Variants in ZNF728 observed in about 807,000 individuals in gnomAD.
ZNF728 encodes zinc finger protein 728.
A neutral mutation model predicts 12.5 loss-of-function variants in ZNF728; 12 were observed. The ratio of observed to expected loss-of-function variants is 0.96; its 90% CI spans 0.61 to 1.55. ZNF728 has a LOEUF of 1.55. Ranked by LOEUF, ZNF728 falls within the 40% of genes most tolerant of loss-of-function variation. ZNF728 has a pLI of 0.00. For missense variants in ZNF728, 692 were observed against 719.2 expected, an observed-to-expected ratio of 0.96 and a Z score of 0.43; for synonymous variants, 205 against 240.7, an observed-to-expected ratio of 0.85 and a Z score of 1.37.
At chr19:23,001,772 C>G (rs1969116052) in intron 1 of ZNF728, among the ~76,000 whole-genome samples, 1 of 152,068 alleles carries the variant, frequency 6.6e-6, no homozygotes, top group Admixed American at 6.6e-5. Flanking sequence ...GTACACTAAA[C>G]TATTTGTTGA....
chr19:22,985,609 G>C (rs1267886739), intron 3 of ZNF728: 1 of 152,218 alleles, frequency 6.6e-6, no homozygotes, highest in African/African-American at 2.4e-5. Context: ...CTACAGACCA[G>C]AAAATGTCCC....
chr19:22,985,040 T>C (rs1430793296), intron 3 of ZNF728, among the ~76,000 whole-genome samples: 1 of 152,064 alleles, frequency 6.6e-6, no homozygotes, highest in East Asian at 1.9e-4. Context: ...AGCTAATAGG[T>C]AAAGGCAATG....
chr19:22,978,048 A>G (rs1463718254), intron 3 of ZNF728, among the ~76,000 whole-genome samples: 2 of 152,058 alleles, frequency 1.3e-5, no homozygotes, highest in Non-Finnish European at 2.9e-5. Flanking sequence ...ACAAAAAGAA[A>G]TAACTGATTC....
chr19:22,976,481 A>C lies in ZNF728; in HGVS notation c.856T>G (p.Cys286Gly). The C allele has an allele frequency of 6.2e-7, 1 of 1,612,894 alleles. No homozygotes were observed. Among genetic ancestry groups the C allele is most frequent in the Non-Finnish European group, 8.5e-7 (1 of 1,179,912 alleles). Residue 286 changes from cysteine to glycine, a missense_variant, in exon 4 of 4, where the codon TGT (cysteine) becomes GGT (glycine). Coordinates refer to ENST00000594710, the MANE Select transcript of ZNF728 (RefSeq NM_001267716.2). ...CTAAAGGCTTTGCCACATTCTTCAC[A>C]TTTGTAGGGTTTCTCTCCAGCATGA... is the stretch of plus-strand genomic sequence containing the variant. Reference protein sequence around the residue: ...RSHAGEKPYKCEECGKAFSKA... With the variant: ...RSHAGEKPYKGEECGKAFSKA...
At chr19:22,978,099 CA>C (rs1459160398) in intron 3 of ZNF728, among the ~76,000 whole-genome samples, 4 of 151,626 alleles carry the variant, frequency 2.6e-5, no homozygotes, top group African/African-American at 4.8e-5. Flanking sequence ...AAAACAAGAT[CA>C]AAAAGCAAAT....
At chr19:22,993,945 G>C (rs1263861288) in intron 1 of ZNF728, among the ~76,000 whole-genome samples, 6 of 152,118 alleles carry the variant, frequency 3.9e-5, no homozygotes, top group Non-Finnish European at 5.9e-5. Flanking sequence ...ATTTGGAGCT[G>C]CAAATTCAGG....
intron 2 of ZNF728, among the ~76,000 whole-genome samples, chr19:22,987,819 A>C (rs546221045): frequency 6.6e-6 from 1 of 152,360 alleles, no homozygotes; most frequent in South Asian, 2.1e-4. Flanking sequence ...TAAATTACCA[A>C]AAAGAAATTA....
rs754287455 is a variant in ZNF728, at chr19:22,976,378, G to C, written c.959C>G (p.Ala320Gly). ...KPYKCEECGKAFNRSSNLMEH... is the reference protein window; with the variant it reads ...KPYKCEECGKGFNRSSNLMEH... The stretch of plus-strand genomic sequence containing the variant: ...CATAAGGTTTGAGGACCGGTTGAAA[G>C]CTTTGCCACATTCTTCACATTTGTA... The change falls in exon 4 of 4, where the codon GCT (alanine) becomes GGT (glycine). Residue 320 changes from alanine to glycine, a missense_variant. By Grantham distance (60) the Ala-to-Gly change is moderately conservative (BLOSUM62 0). Coordinates refer to ENST00000594710, the MANE Select transcript of ZNF728 (RefSeq NM_001267716.2). 17 of 1,612,838 alleles carry C rather than the reference G, an allele frequency of 1.1e-5. No homozygotes were observed. In the African/African-American group the frequency reaches 2.1e-4, roughly 20 times the overall value.
At chr19:22,987,450 A>G (rs774121412) in intron 2 of ZNF728, 47 bp from the exon 3 acceptor site, 2 of 1,531,364 alleles carry the variant, frequency 1.3e-6, no homozygotes, top group Admixed American at 1.9e-5. Context: ...ATATTCTCCA[A>G]TTAACAACTT....
At chr19:22,995,215 C>T (rs1969036817) in intron 1 of ZNF728, 1 of 152,108 alleles carries the variant, frequency 6.6e-6, no homozygotes, top group Admixed American at 6.6e-5. Flanking sequence ...AACAGACACA[C>T]AATGCATTTG....
chr19:23,002,983 C>A, intron 1 of ZNF728, 45 bp downstream of exon 1: 2 of 1,586,544 alleles, frequency 1.3e-6, no homozygotes, highest in Admixed American at 1.7e-5. Context: ...CCGGTTCCAA[C>A]CAGCGGCTGC....
At chr19:22,986,072 G>A (rs1290033755) in intron 3 of ZNF728, among the ~76,000 whole-genome samples, 2 of 152,166 alleles carry the variant, frequency 1.3e-5, no homozygotes, top group Non-Finnish European at 2.9e-5. Flanking sequence ...GCAGCCTTGT[G>A]ACCAAGCTAC....
chr19:23,001,935 A>C (rs1243474384), intron 1 of ZNF728, among the ~76,000 whole-genome samples: 1 of 152,170 alleles, frequency 6.6e-6, no homozygotes, highest in Non-Finnish European at 1.5e-5. Context: ...AAATGCAAGG[A>C]AACAGCAGTT....
intron 3 of ZNF728, among the ~76,000 whole-genome samples, 184 bp downstream of exon 3, chr19:22,987,124 G>A (rs1321154369): frequency 6.6e-6 from 1 of 152,136 alleles, no homozygotes; most frequent in Admixed American, 6.6e-5. Context: ...ATAATTCTTA[G>A]AAATTTTAAA....
intron 3 of ZNF728, among the ~76,000 whole-genome samples, chr19:22,980,057 C>T (rs1204938375): frequency 6.6e-6 from 1 of 151,916 alleles, no homozygotes; most frequent in Non-Finnish European, 1.5e-5. Context: ...TTAAAAGACA[C>T]AGACTAGCAA....
chr19:22,976,981 T>C lies in ZNF728; in HGVS notation c.356A>G (p.Asn119Ser), dbSNP rs1346132080. The C allele has an allele frequency of 1.2e-6, 2 of 1,613,418 alleles. No homozygotes were observed. Among genetic ancestry groups the C allele is most frequent in the Non-Finnish European group, 1.7e-6 (2 of 1,179,764 alleles). The change falls in exon 4 of 4, where the codon AAT (asparagine) becomes AGT (serine). Residue 119 changes from asparagine to serine, a missense_variant. Physicochemically the swap from Asn to Ser is conservative, Grantham distance 46. Coordinates refer to ENST00000594710, the MANE Select transcript of ZNF728 (RefSeq NM_001267716.2). ...TTTGTGCACCTTACACTCATCCACA[T>C]TGGTACAACCAATTTTTAACTGTAA... ...ENLQLKIGCT[N>S]VDECKVHKKG...
chr19:22,976,264 T>G lies in ZNF728; in HGVS notation c.1073A>C (p.His358Pro). 6.2e-7 allele frequency: 1 copy of G among 1,613,242 alleles called. No homozygotes were observed. Among genetic ancestry groups the G allele is most frequent in the South Asian group, 1.1e-5 (1 of 91,044 alleles). The change falls in exon 4 of 4, where the codon CAT becomes CCT. Residue 358 changes from histidine to proline, a missense_variant. Transcript: ENST00000594710. Reference sequence around the variant, plus strand: ...TTTCTCTCCAGTATGAATTACCTTATGTTTAGTAAGGGTTGAGAAGTTACC... The same window carrying G: ...TTTCTCTCCAGTATGAATTACCTTAGGTTTAGTAAGGGTTGAGAAGTTACC... Reference protein sequence around the residue: ...AFGNFSTLTKHKVIHTGEKPY... With the variant: ...AFGNFSTLTKPKVIHTGEKPY...
At chr19:22,982,097 T>A (rs568005728) in intron 3 of ZNF728, among the ~76,000 whole-genome samples, 1 of 152,194 alleles carries the variant, frequency 6.6e-6, no homozygotes, top group African/African-American at 2.4e-5. Context: ...ACTTTCTCTA[T>A]CTGCAGATGA....
intron 1 of ZNF728, among the ~76,000 whole-genome samples, chr19:22,996,216 A>G (rs1306709693): frequency 6.6e-6 from 1 of 151,180 alleles, no homozygotes; most frequent in African/African-American, 2.5e-5. Flanking sequence ...AAAAGTATGA[A>G]TAACAATATT....
Sources: allele counts gnomAD v4.1 joint callset (sites outside exome capture counted in the v4.1 genomes callset), GRCh38; gene constraint gnomAD v4.1.1; transcripts MANE v1.5; gene names NCBI Gene and HGNC (gene_info 2026-07-23, HGNC 2026-07-21).